Variants in TAF3 observed in about 807,000 individuals in gnomAD.
The protein encoded by TAF3 is TATA-box binding protein associated factor 3.
A neutral mutation model predicts 80.6 loss-of-function variants in TAF3; 7 were observed. That is an observed-to-expected ratio of 0.09 (90% CI 0.05 to 0.16). TAF3 has a LOEUF of 0.16. Ranked by LOEUF, TAF3 falls within the 10% of genes least tolerant of loss-of-function variation. The pLI, the probability that TAF3 is intolerant of heterozygous loss-of-function variation, is 1.00. For missense variants in TAF3, 921 were observed against 1,140.2 expected, an observed-to-expected ratio of 0.81 and a Z score of 2.77; for synonymous variants, 444 against 446.1, an observed-to-expected ratio of 1.00 and a Z score of 0.06.
chr10:7,965,292 A>G lies in TAF3; in HGVS notation c.1782A>G (p.Glu594=), dbSNP rs761068220. ...EADPYKFKIK[E]FEDVDPKVKL... is the part of the protein sequence containing the mutation. ...ATCCCTACAAGTTTAAAATCAAAGA[A>G]TTTGAAGATGTTGATCCCAAAGTGA... is the stretch of plus-strand genomic sequence containing the variant. The change falls in exon 3 of 7, where the codon GAA becomes GAG. Residue 594 remains glutamate, a synonymous_variant. Transcript: ENST00000344293. 6.2e-6 allele frequency: 10 copies of G among 1,607,270 alleles called. No individual in the cohort carries two copies. The South Asian group carries it at 1.1e-4, about 18-fold the overall frequency.
chr10:7,828,258 G>A (rs551841536), intron 2 of TAF3, among the ~76,000 whole-genome samples: 4 of 152,232 alleles, frequency 2.6e-5, no homozygotes, highest in Non-Finnish European at 4.4e-5. Context: ...AAAAAGAGAC[G>A]AATCAATGTA....
chr10:7,872,528 G>A (rs1360864377), intron 2 of TAF3, among the ~76,000 whole-genome samples: 3 of 152,170 alleles, frequency 2.0e-5, no homozygotes, highest in Non-Finnish European at 4.4e-5. Flanking sequence ...GGTGCTCTGA[G>A]CAAATTACTC....
chr10:7,988,516 G>A (rs1831799818), intron 4 of TAF3, among the ~76,000 whole-genome samples: 1 of 133,864 alleles, frequency 7.5e-6, no homozygotes, highest in Non-Finnish European at 1.5e-5. Context: ...AGGTTGCAGT[G>A]AGCCAAGATT....
rs566725288 is a variant in TAF3, at chr10:7,865,404, G to A, written c.409+40844G>A. Among the ~76,000 whole-genome samples the A allele has an allele frequency of 2.8e-3, 427 of 152,220 alleles. 2 individuals are homozygous for A. The highest frequency in any genetic ancestry group is 3.8e-3 in the African/African-American group (158 of 41,530). ...TGAGGCAGGAGAATGGTGTGAACCCGGGAGGCGGAGCTTGCAGTGAGCCGA... is the reference window on the plus strand; with the variant it reads ...TGAGGCAGGAGAATGGTGTGAACCCAGGAGGCGGAGCTTGCAGTGAGCCGA... On this transcript the variant is annotated intron_variant, in intron 2 of 6. Coordinates refer to ENST00000344293, the MANE Select transcript of TAF3 (RefSeq NM_031923.4).
At chr10:7,938,794 A>G (rs1286805940) in intron 2 of TAF3, among the ~76,000 whole-genome samples, 1 of 152,242 alleles carries the variant, frequency 6.6e-6, no homozygotes, top group African/African-American at 2.4e-5. Context: ...AAGTGTTGAA[A>G]GAGACTGCAA....
At chr10:7,862,272 G>A (rs1324567239) in intron 2 of TAF3, among the ~76,000 whole-genome samples, 3 of 152,064 alleles carry the variant, frequency 2.0e-5, no homozygotes, top group African/African-American at 7.2e-5. Flanking sequence ...AAAGTTTTCT[G>A]TTTTTTCACA....
chr10:7,999,569 G>A (rs1021840595), intron 4 of TAF3, among the ~76,000 whole-genome samples: 29 of 150,006 alleles, frequency 1.9e-4, no homozygotes, highest in South Asian at 6.5e-4. Flanking sequence ...CAGTTCTCCC[G>A]CCCCAGCATC....
chr10:7,962,177 G>C (rs1329258597), intron 2 of TAF3, among the ~76,000 whole-genome samples: 2 of 152,136 alleles, frequency 1.3e-5, no homozygotes, highest in Non-Finnish European at 2.9e-5. Flanking sequence ...AATTGTGTTT[G>C]AGTCCTTGCT....
chr10:7,879,482 A>G (rs1837340209), intron 2 of TAF3, among the ~76,000 whole-genome samples: 2 of 152,252 alleles, frequency 1.3e-5, no homozygotes, highest in South Asian at 2.1e-4. Flanking sequence ...ATTAAAAGGA[A>G]CAACAGTGAA....
intron 2 of TAF3, among the ~76,000 whole-genome samples, chr10:7,849,791 C>T (rs1440505578): frequency 6.6e-6 from 1 of 151,930 alleles, no homozygotes; most frequent in African/African-American, 2.4e-5. Flanking sequence ...GCGATCCTCC[C>T]ACCTCAGCCT....
intron 4 of TAF3, among the ~76,000 whole-genome samples, chr10:7,982,681 T>C (rs534205272): frequency 1.2e-3 from 189 of 152,362 alleles, no homozygotes; most frequent in Non-Finnish European, 2.3e-3. Flanking sequence ...ATTACAGGTG[T>C]GAGCAATCTT....
At chr10:7,916,901 A>G (rs1445294372) in intron 2 of TAF3, among the ~76,000 whole-genome samples, 4 of 152,212 alleles carry the variant, frequency 2.6e-5, no homozygotes, top group Non-Finnish European at 5.9e-5. Flanking sequence ...GACAAAAAGA[A>G]ATGTAATTGG....
intron 4 of TAF3, among the ~76,000 whole-genome samples, chr10:7,995,475 T>C (rs1288899610): frequency 6.6e-6 from 1 of 152,214 alleles, no homozygotes; most frequent in Non-Finnish European, 1.5e-5. Flanking sequence ...CTTTCTAGTG[T>C]ATCTCATTGC....
At chr10:7,845,312 G>T (rs1360599403) in intron 2 of TAF3, among the ~76,000 whole-genome samples, 2 of 151,358 alleles carry the variant, frequency 1.3e-5, no homozygotes, top group Non-Finnish European at 2.9e-5. Flanking sequence ...GTCTTTGTGT[G>T]TGTGCGTGTG....
intron 2 of TAF3, among the ~76,000 whole-genome samples, chr10:7,895,010 G>A (rs1007777746): frequency 6.6e-6 from 1 of 152,094 alleles, no homozygotes; most frequent in Admixed American, 6.5e-5. Flanking sequence ...TCAGAAGCTG[G>A]GATTACAAGT....
intron 2 of TAF3, among the ~76,000 whole-genome samples, chr10:7,899,091 T>TAA (rs1294476316): frequency 2.6e-5 from 4 of 152,216 alleles, no homozygotes; most frequent in African/African-American, 4.8e-5. Flanking sequence ...CTAGCATTTT[T>TAA]AAGAGAGCAT....
intron 2 of TAF3, among the ~76,000 whole-genome samples, chr10:7,947,614 C>T (rs968579702): frequency 6.6e-6 from 1 of 152,178 alleles, no homozygotes; most frequent in African/African-American, 2.4e-5. Context: ...CCTGGAGGAA[C>T]AGCACTGGGG....
chr10:7,905,420 C>T (rs1023288982), intron 2 of TAF3, among the ~76,000 whole-genome samples: 8 of 152,066 alleles, frequency 5.3e-5, no homozygotes, highest in African/African-American at 1.7e-4. Flanking sequence ...TTTTCATACA[C>T]GATGAAAATG....
At chr10:7,890,834 C>T (rs2131162929) in intron 2 of TAF3, among the ~76,000 whole-genome samples, 1 of 152,306 alleles carries the variant, frequency 6.6e-6, no homozygotes, top group East Asian at 1.9e-4. Context: ...CAACTCTTTC[C>T]AAAGCTTTCG....
Sources: gnomAD v4.1 joint callset for allele counts (sites outside exome capture counted in the v4.1 genomes callset) on GRCh38, gnomAD v4.1.1 for gene constraint, MANE v1.5 for transcripts, NCBI Gene and HGNC (gene_info 2026-07-23, HGNC 2026-07-21) for gene names.